RNF220: variants seen among roughly 807,000 people sequenced by gnomAD.
The protein encoded by RNF220 is ring finger protein 220.
RNF220 carries 7 observed loss-of-function variants against 67.1 expected under a neutral mutation model. The ratio of observed to expected loss-of-function variants is 0.10; its 90% CI spans 0.06 to 0.20. RNF220 has a LOEUF of 0.20. Ranked by LOEUF, RNF220 falls within the 10% of genes least tolerant of loss-of-function variation. RNF220 has a pLI of 1.00. For synonymous variants in RNF220, 270 were observed against 283.2 expected (o/e 0.95, Z 0.47); for missense variants, 565 against 740.3 (o/e 0.76, Z 2.75).
At chr1:44,461,920 C>CTTTTTTTTTTTTTTTTTTTTTTTTTTTT (rs1445179984) in intron 2 of RNF220, among the ~76,000 whole-genome samples, 6 of 118,166 alleles carry the variant, frequency 5.1e-5, no homozygotes, top group African/African-American at 2.1e-4. Flanking sequence ...TTTCTTTTTT[C>CTTTTTTTTTTTTTTTTTTTTTTTTTTTT]TTTGTTTTTT....
intron 8 of RNF220, among the ~76,000 whole-genome samples, chr1:44,640,085 C>T (rs1342245662): frequency 2.0e-5 from 3 of 152,262 alleles, no homozygotes; most frequent in Non-Finnish European, 4.4e-5. Flanking sequence ...CCACCACACC[C>T]GGCCTGGCAC....
intron 2 of RNF220, among the ~76,000 whole-genome samples, chr1:44,438,402 A>C (rs1274737048): frequency 6.6e-6 from 1 of 152,184 alleles, no homozygotes; most frequent in Non-Finnish European, 1.5e-5. Flanking sequence ...GGATTATAGG[A>C]GTAAGCCACT....
rs1455604105 is a variant in RNF220 at position 44,650,908 on chromosome 1, G to A, written c.*133G>A. 15 of 758,846 alleles carry A rather than the reference G, an allele frequency of 2.0e-5. No individual in the cohort carries two copies. Among genetic ancestry groups the A allele is most frequent in the South Asian group, 3.0e-5 (2 of 66,932 alleles). The allele number at this position is 758,846 out of a possible 1,614,324, so 47.0% of individuals were successfully genotyped here. ...CATACATGCACATACTCAAACATGC[G>A]TACACACACACACATTTACACACGC... is the stretch of plus-strand genomic sequence containing the variant. On this transcript the variant is annotated 3_prime_UTR_variant, in exon 15 of 15. Transcript: ENST00000361799. The surrounding 1 kb of genome is among the most constrained non-coding windows in gnomAD (Gnocchi z 4.3).
At chr1:44,579,074 T>C (rs1014638612) in intron 2 of RNF220, among the ~76,000 whole-genome samples, 83 of 151,482 alleles carry the variant, frequency 5.5e-4, no homozygotes, top group Non-Finnish European at 2.2e-4. Context: ...GGGAATCACT[T>C]GAACCCAGGA....
intron 2 of RNF220, among the ~76,000 whole-genome samples, chr1:44,549,197 C>T (rs893298344): frequency 6.6e-6 from 1 of 152,096 alleles, no homozygotes; most frequent in Non-Finnish European, 1.5e-5. Flanking sequence ...TCGGGAAAAA[C>T]AAACAAACAA....
chr1:44,424,760 T>G (rs1263514713), intron 2 of RNF220, among the ~76,000 whole-genome samples: 1 of 152,188 alleles, frequency 6.6e-6, no homozygotes, highest in Non-Finnish European at 1.5e-5. Flanking sequence ...AGTGACTGTA[T>G]GTGCCCAGAC....
At chr1:44,473,898 C>T (rs536626897) in intron 2 of RNF220, among the ~76,000 whole-genome samples, 1 of 152,034 alleles carries the variant, frequency 6.6e-6, no homozygotes, top group African/African-American at 2.4e-5. Flanking sequence ...CATTCCCATG[C>T]GTTATCTTGT....
chr1:44,580,093 AAG>A (rs1271930533), intron 2 of RNF220, among the ~76,000 whole-genome samples: 1 of 144,246 alleles, frequency 6.9e-6, no homozygotes, highest in Non-Finnish European at 1.5e-5. Flanking sequence ...AGAAAAGAAA[AAG>A]AAAGAAAGAA....
At chr1:44,575,404 G>A (rs568340590) in intron 2 of RNF220, among the ~76,000 whole-genome samples, 4 of 152,048 alleles carry the variant, frequency 2.6e-5, no homozygotes, top group Non-Finnish European at 5.9e-5. Context: ...CCATTCATCT[G>A]TTGGTGGGCA....
At chr1:44,495,281 G>A (rs1000228469) in intron 2 of RNF220, among the ~76,000 whole-genome samples, 1 of 152,014 alleles carries the variant, frequency 6.6e-6, no homozygotes, top group African/African-American at 2.4e-5. Context: ...GATTTGGCTG[G>A]CAAGATAAAT....
At position 44,432,897 on chromosome 1, in the gene RNF220, TTTC is replaced by T. The variant is rs1193906159; in HGVS notation, c.625+20178_625+20180del. Among the ~76,000 whole-genome samples the T allele has an allele frequency of 7.7e-3, 754 of 98,460 alleles. 18 individuals carry two copies. Among genetic ancestry groups the T allele is most frequent in the Non-Finnish European group, 0.012 (471 of 40,906 alleles). 64.6% of individuals were successfully genotyped at this position (98,460 alleles called of 152,430 possible). ...TATGTATGTAAGTTTCAAATTGGCT[TTTC>T]TTTTTTTTTTTTTGAGTCTTGCTCT... On this transcript the variant is annotated intron_variant, in intron 2 of 14. Transcript: ENST00000361799.
At chr1:44,468,916 C>A (rs1258792123) in intron 2 of RNF220, among the ~76,000 whole-genome samples, 5 of 147,042 alleles carry the variant, frequency 3.4e-5, no homozygotes, top group Non-Finnish European at 1.5e-5. Context: ...GACTCTGTCT[C>A]AAAAAAAAAA....
intron 2 of RNF220, among the ~76,000 whole-genome samples, chr1:44,447,839 C>T (rs1204920029): frequency 6.6e-6 from 1 of 152,196 alleles, no homozygotes. Context: ...TCTGCCCCTG[C>T]TTCATGCTGC....
At chr1:44,636,259 TCATC>T in intron 8 of RNF220, 97 bp downstream of exon 8, 1 of 1,512,148 alleles carries the variant, frequency 6.6e-7, no homozygotes, top group Non-Finnish European at 9.1e-7. Context: ...TGGTGGCTGG[TCATC>T]CATCCGTTCC....
chr1:44,425,328 C>T (rs1557912505), intron 2 of RNF220, among the ~76,000 whole-genome samples: 1 of 152,268 alleles, frequency 6.6e-6, no homozygotes, highest in East Asian at 1.9e-4. Context: ...TCCCATGGGC[C>T]CATGTCTGTC....
intron 2 of RNF220, among the ~76,000 whole-genome samples, chr1:44,427,878 C>T (rs1649957467): frequency 6.6e-6 from 1 of 152,184 alleles, no homozygotes; most frequent in Non-Finnish European, 1.5e-5. Context: ...GGGTTGGGCA[C>T]AGATTTGAGG....
intron 2 of RNF220, among the ~76,000 whole-genome samples, chr1:44,575,815 A>G (rs2148330333): frequency 6.6e-6 from 1 of 152,378 alleles, no homozygotes; most frequent in Middle Eastern, 3.4e-3. Context: ...TCCAAAGGGA[A>G]GAAATCAGTA....
chr1:44,479,406 G>A (rs896375160), intron 2 of RNF220, among the ~76,000 whole-genome samples: 2 of 151,946 alleles, frequency 1.3e-5, no homozygotes, highest in South Asian at 2.1e-4. Context: ...GTGAGCCACC[G>A]CGCTCGGCCA....
chr1:44,587,059 T>A (rs1408697239), intron 2 of RNF220, among the ~76,000 whole-genome samples: 1 of 146,270 alleles, frequency 6.8e-6, no homozygotes, highest in African/African-American at 2.6e-5. Context: ...CATGGGCAAA[T>A]TCCCCCTAAT....
Sources: allele counts gnomAD v4.1 joint callset (sites outside exome capture counted in the v4.1 genomes callset), GRCh38; gene constraint gnomAD v4.1.1; non-coding constraint Gnocchi (gnomAD v3.1); transcripts MANE v1.5; gene names NCBI Gene and HGNC (gene_info 2026-07-23, HGNC 2026-07-21).